Variants in DLGAP1 observed in about 807,000 individuals in gnomAD.
DLGAP1 encodes the protein DLG associated protein 1.
A neutral mutation model predicts 90.8 loss-of-function variants in DLGAP1; 11 were observed. That is an observed-to-expected ratio of 0.12 (90% CI 0.08 to 0.20). The LOEUF is 0.20. Among genes scored for constraint, DLGAP1 ranks in the 10% least tolerant of loss-of-function variants. The pLI, the probability that DLGAP1 is intolerant of heterozygous loss-of-function variation, is 1.00. For synonymous variants in DLGAP1, 558 were observed against 540.7 expected (o/e 1.03, Z -0.44); for missense variants, 1,050 against 1,333.8 (o/e 0.79, Z 3.31).
intron 4 of DLGAP1, among the ~76,000 whole-genome samples, chr18:3,869,154 GT>G (rs71368714): frequency 0.06 from 8,485 of 141,792 alleles, 504 homozygotes; most frequent in African/African-American, 0.16. Context: ...TGTGTATTGC[GT>G]TTTTTTTTTT....
intron 2 of DLGAP1, among the ~76,000 whole-genome samples, chr18:4,018,168 T>G (rs969237116): frequency 7.2e-5 from 11 of 152,216 alleles, no homozygotes; most frequent in African/African-American, 2.7e-4. Context: ...CATGGAGGTC[T>G]GATTGTGAGA....
At chr18:4,436,314 G>T (rs2083397492) in intron 1 of DLGAP1, among the ~76,000 whole-genome samples, 1 of 152,050 alleles carries the variant, frequency 6.6e-6, no homozygotes, top group Non-Finnish European at 1.5e-5. Context: ...GAACCTAAAA[G>T]CCAGTGGTTC....
intron 1 of DLGAP1, among the ~76,000 whole-genome samples, chr18:4,264,360 C>T (rs1027203266): frequency 3.9e-5 from 6 of 152,192 alleles, no homozygotes; most frequent in East Asian, 1.9e-4. Flanking sequence ...GATCCACATC[C>T]GGTCAGAGGA....
At chr18:3,676,308 G>A (rs1000170022) in intron 7 of DLGAP1, among the ~76,000 whole-genome samples, 6 of 152,210 alleles carry the variant, frequency 3.9e-5, no homozygotes, top group Non-Finnish European at 7.3e-5. Context: ...TGAGCATTAT[G>A]TAAATCAGAC....
chr18:4,315,328 A>G (rs543215542), intron 1 of DLGAP1, among the ~76,000 whole-genome samples: 1 of 152,338 alleles, frequency 6.6e-6, no homozygotes, highest in Admixed American at 6.5e-5. Context: ...GACTGATAAT[A>G]TGGACTATAC....
At chr18:3,987,699 A>G (rs2073871054) in intron 3 of DLGAP1, among the ~76,000 whole-genome samples, 1 of 152,232 alleles carries the variant, frequency 6.6e-6, no homozygotes, top group Non-Finnish European at 1.5e-5. Context: ...TACAATGACT[A>G]TTTAATGAAA....
At chr18:4,130,642 G>C (rs568956014) in intron 2 of DLGAP1, among the ~76,000 whole-genome samples, 1 of 152,186 alleles carries the variant, frequency 6.6e-6, no homozygotes, top group South Asian at 2.1e-4. Flanking sequence ...CAGTAGAAGG[G>C]GCAGGACCAC....
intron 4 of DLGAP1, among the ~76,000 whole-genome samples, chr18:3,833,219 T>TTCCC (rs1220195102): frequency 9.9e-6 from 1 of 101,302 alleles, no homozygotes; most frequent in Non-Finnish European, 2.0e-5. Context: ...CCTTCCTTCC[T>TTCCC]TCCTTCCTTC....
intron 1 of DLGAP1, among the ~76,000 whole-genome samples, chr18:4,396,652 T>C (rs960605499): frequency 6.6e-6 from 1 of 152,082 alleles, no homozygotes; most frequent in African/African-American, 2.4e-5. Context: ...CTTGGAAAGG[T>C]AGAAACTCAT....
At chr18:4,133,525 C>T (rs772334843) in intron 2 of DLGAP1, among the ~76,000 whole-genome samples, 1 of 152,136 alleles carries the variant, frequency 6.6e-6, no homozygotes, top group African/African-American at 2.4e-5. Flanking sequence ...TGGTCACCAT[C>T]GTCTCTTTTA....
chr18:3,944,953 T>C (rs2072848255), intron 3 of DLGAP1, among the ~76,000 whole-genome samples: 1 of 152,224 alleles, frequency 6.6e-6, no homozygotes, highest in South Asian at 2.1e-4. Context: ...TTTCCTTAAA[T>C]ACACAATTGG....
intron 1 of DLGAP1, among the ~76,000 whole-genome samples, chr18:4,322,844 C>T (rs1031281120): frequency 4.0e-5 from 6 of 150,764 alleles, no homozygotes; most frequent in African/African-American, 1.5e-4. Context: ...GCCTGTAGTC[C>T]CAGTTACTCA....
chr18:3,828,998 G>T (rs2067885285), intron 4 of DLGAP1, among the ~76,000 whole-genome samples: 1 of 152,172 alleles, frequency 6.6e-6, no homozygotes, highest in Non-Finnish European at 1.5e-5. Flanking sequence ...TCTCTATAGA[G>T]AATGCTTATA....
At chr18:3,915,941 T>C (rs1372608098) in intron 3 of DLGAP1, among the ~76,000 whole-genome samples, 1 of 152,078 alleles carries the variant, frequency 6.6e-6, no homozygotes, top group Admixed American at 6.5e-5. Context: ...TTCTATAAAG[T>C]AAAAGTCAAT....
At chr18:3,874,727 T>C (rs1311507851) in intron 4 of DLGAP1, 2 of 1,525,124 alleles carry the variant, frequency 1.3e-6, no homozygotes, top group East Asian at 4.9e-5. Flanking sequence ...CCAACCCTAA[T>C]ACAGACAGTC....
chr18:4,427,991 T>A (rs3862160), intron 1 of DLGAP1, among the ~76,000 whole-genome samples: 19 of 152,222 alleles, frequency 1.2e-4, no homozygotes, highest in Non-Finnish European at 2.4e-4. Flanking sequence ...AAAGAAGGTA[T>A]GTATTAAATT....
intron 2 of DLGAP1, among the ~76,000 whole-genome samples, chr18:4,087,369 C>G (rs2075702624): frequency 6.6e-6 from 1 of 152,046 alleles, no homozygotes; most frequent in South Asian, 2.1e-4. Context: ...CCTGGCCCAC[C>G]CAGGGCGGAA....
chr18:4,060,985 A>C (rs1018355687), intron 2 of DLGAP1, among the ~76,000 whole-genome samples: 3 of 152,184 alleles, frequency 2.0e-5, no homozygotes, highest in African/African-American at 7.2e-5. Flanking sequence ...TTAACTGTAC[A>C]ACTTGCCTTC....
intron 7 of DLGAP1, among the ~76,000 whole-genome samples, chr18:3,722,905 A>C (rs1049151127): frequency 5.3e-5 from 8 of 152,322 alleles, no homozygotes; most frequent in Middle Eastern, 3.4e-3. Context: ...TTAACTTCAT[A>C]CTCAAGCAAT....
Sources: allele counts gnomAD v4.1 joint callset (sites outside exome capture counted in the v4.1 genomes callset), GRCh38; gene constraint gnomAD v4.1.1; transcripts MANE v1.5; gene names NCBI Gene and HGNC (gene_info 2026-07-23, HGNC 2026-07-21).